The following EFEMP1 variants were observed in gnomAD, a reference collection of about 807,000 sequenced individuals.
EFEMP1 encodes the protein EGF-like fibulin extracellular matrix protein 1.
Under a neutral mutation model 65.7 loss-of-function variants are expected in EFEMP1, and 18 were observed. That is an observed-to-expected ratio of 0.27 (90% CI 0.19 to 0.41). EFEMP1 has a LOEUF of 0.41. EFEMP1 is among the 10% of genes least tolerant of loss of function. EFEMP1 has a pLI of 1.00. For synonymous variants in EFEMP1, 237 were observed against 219.7 expected, an observed-to-expected ratio of 1.08 and a Z score of -0.70; for missense variants, 469 against 624.8, an observed-to-expected ratio of 0.75 and a Z score of 2.66.
intron 9 of EFEMP1, 140 bp downstream of exon 9, chr2:55,874,806 G>T: frequency 1.2e-6 from 1 of 838,056 alleles, no homozygotes; most frequent in African/African-American, 1.8e-5. Context: ...TATATTTTAT[G>T]ATGAACAGGG....
intron 4 of EFEMP1, 53 bp from the exon 5 acceptor site, chr2:55,918,104 C>T: frequency 6.2e-7 from 1 of 1,613,688 alleles, no homozygotes; most frequent in Non-Finnish European, 8.5e-7. Flanking sequence ...AAAAATCAAA[C>T]ATGTAAATAT....
chr2:55,878,981 CCTTA>C (rs1279010267), intron 6 of EFEMP1, among the ~76,000 whole-genome samples: 1 of 152,152 alleles, frequency 6.6e-6, no homozygotes, highest in Non-Finnish European at 1.5e-5. Context: ...TGGCTTTTCC[CCTTA>C]CTTTGGTTCA....
Position 55,889,832 on chromosome 2 carries a change from A to AAT in EFEMP1, c.518-8099_518-8098insAT, listed in dbSNP as rs200500485. Reference sequence around the variant, plus strand: ...AAACAATAAAGGAATGGTAAAAAAAAAAAATAAAACTACAAAGCTAATAGA... The same window carrying AAT: ...AAACAATAAAGGAATGGTAAAAAAAAATAAAATAAAACTACAAAGCTAATAGA... On this transcript the variant is annotated intron_variant, in intron 5 of 11. Transcript: ENST00000355426. Among the ~76,000 whole-genome samples, 75 of 151,928 alleles carry AAT rather than the reference A, an allele frequency of 4.9e-4. 1 individual carries two copies. Among genetic ancestry groups the AAT allele is most frequent in the Middle Eastern group, 3.4e-3 (1 of 294 alleles).
intron 5 of EFEMP1, among the ~76,000 whole-genome samples, chr2:55,891,145 T>G (rs538785968): frequency 6.6e-6 from 1 of 151,966 alleles, no homozygotes; most frequent in Non-Finnish European, 1.5e-5. Flanking sequence ...AAAGCAGAAA[T>G]AGAATAAATG....
At chr2:55,916,400 G>A (rs1043369300) in intron 5 of EFEMP1, among the ~76,000 whole-genome samples, 2 of 152,168 alleles carry the variant, frequency 1.3e-5, no homozygotes, top group African/African-American at 2.4e-5. Context: ...GTGAGCCACC[G>A]TGCCCAGCCC....
intron 5 of EFEMP1, among the ~76,000 whole-genome samples, chr2:55,896,922 T>C (rs1283437520): frequency 2.6e-5 from 4 of 152,324 alleles, no homozygotes; most frequent in African/African-American, 9.6e-5. Flanking sequence ...TATCTTCATG[T>C]ACTGCACACT....
At chr2:55,913,557 C>T (rs747240543) in intron 5 of EFEMP1, among the ~76,000 whole-genome samples, 1 of 151,190 alleles carries the variant, frequency 6.6e-6, no homozygotes. Context: ...CAAGTTTCTT[C>T]AATTAGGGCA....
chr2:55,875,077 G>C lies in EFEMP1; in HGVS notation c.881-12C>G. On this transcript the variant is annotated splice_polypyrimidine_tract_variant and intron_variant, in intron 8 of 11. Coordinates refer to ENST00000355426, the MANE Select transcript of EFEMP1 (RefSeq NM_001039348.3). ...GCATTCATCAATGTCTGTTGAATTA[G>C]ACAAGAGAAAGGACACAGAGTTGAA... The C allele has an allele frequency of 1.3e-6, 2 of 1,585,976 alleles. No individual in the cohort carries two copies. Among genetic ancestry groups the C allele is most frequent in the African/African-American group, 2.7e-5 (2 of 73,664 alleles).
chr2:55,886,134 A>G lies in EFEMP1; in HGVS notation c.518-4400T>C, dbSNP rs1669411964. Reference sequence around the variant, plus strand: ...TGTAGACTAGTGATGAGAATGCACTAGTAATAGGACAAAGAAGACTGAAAT... The same window carrying G: ...TGTAGACTAGTGATGAGAATGCACTGGTAATAGGACAAAGAAGACTGAAAT... On this transcript the variant is annotated intron_variant, in intron 5 of 11. Transcript: ENST00000355426. The surrounding 1 kb of genome is among the most constrained non-coding windows in gnomAD (Gnocchi z 4.0). Among the ~76,000 whole-genome samples the G allele has an allele frequency of 6.6e-6, 1 of 152,226 alleles. No homozygotes were observed.
At chr2:55,882,353 G>T (rs1298035118) in intron 5 of EFEMP1, among the ~76,000 whole-genome samples, 1 of 152,116 alleles carries the variant, frequency 6.6e-6, no homozygotes, top group Non-Finnish European at 1.5e-5. Flanking sequence ...AGAATGCAAA[G>T]GATTCAATTT....
chr2:55,909,372 C>G (rs925854118), intron 5 of EFEMP1, among the ~76,000 whole-genome samples: 1 of 152,186 alleles, frequency 6.6e-6, no homozygotes, highest in Admixed American at 6.5e-5. Flanking sequence ...TAGATGTTTG[C>G]TCTGCAAAGT....
rs189535894 is a variant in EFEMP1 at position 55,885,741 on chromosome 2, C to T, written c.518-4007G>A. ...AGCCTCTTTATCACACCGACCCCCACGTCTAGGGAACCGCACATTTGATTT... is the reference window on the plus strand; with the variant it reads ...AGCCTCTTTATCACACCGACCCCCATGTCTAGGGAACCGCACATTTGATTT... On this transcript the variant is annotated intron_variant, in intron 5 of 11. Transcript: ENST00000355426. The surrounding 1 kb of genome is among the most constrained non-coding windows in gnomAD (Gnocchi z 4.3). Among the ~76,000 whole-genome samples the T allele has an allele frequency of 5.0e-3, 755 of 152,204 alleles. 5 individuals carry two copies. The highest frequency in any genetic ancestry group is 0.017 in the African/African-American group (720 of 41,544).
chr2:55,914,151 A>G (rs1055079647), intron 5 of EFEMP1, among the ~76,000 whole-genome samples: 1 of 152,194 alleles, frequency 6.6e-6, no homozygotes, highest in Non-Finnish European at 1.5e-5. Context: ...GATGATATCT[A>G]ATGGAAACAA....
rs1669071055 is a variant in EFEMP1 at position 55,877,218 on chromosome 2, C to T, written c.761-476G>A. Reference sequence around the variant, plus strand: ...AAATGGGTTCTGTTAAATTCCATTACAATTATAACATAAGCCTTTGAGACC... The same window carrying T: ...AAATGGGTTCTGTTAAATTCCATTATAATTATAACATAAGCCTTTGAGACC... On this transcript the variant is annotated intron_variant, in intron 7 of 11. Transcript: ENST00000355426. This position sits in a 1 kb window ranked among gnomAD's most constrained non-coding sequence, Gnocchi z 4.5. Among the ~76,000 whole-genome samples the T allele has an allele frequency of 6.6e-6, 1 of 152,104 alleles. No homozygotes were observed.
At chr2:55,912,007 A>T (rs1670498183) in intron 5 of EFEMP1, among the ~76,000 whole-genome samples, 1 of 152,196 alleles carries the variant, frequency 6.6e-6, no homozygotes, top group African/African-American at 2.4e-5. Flanking sequence ...TTATTTGAAA[A>T]ATAATTTTCT....
intron 5 of EFEMP1, among the ~76,000 whole-genome samples, chr2:55,893,512 TG>T (rs1669709248): frequency 6.6e-6 from 1 of 152,196 alleles, no homozygotes; most frequent in Non-Finnish European, 1.5e-5. Context: ...TTATGTGTCC[TG>T]GGAAAGTTAT....
At chr2:55,914,478 A>G (rs1670602239) in intron 5 of EFEMP1, among the ~76,000 whole-genome samples, 1 of 152,226 alleles carries the variant, frequency 6.6e-6, no homozygotes, top group Non-Finnish European at 1.5e-5. Context: ...GGATATATTT[A>G]TAAAATAGTG....
At position 55,886,198 on chromosome 2, in the gene EFEMP1, T is replaced by C. The variant is rs1468330776; in HGVS notation, c.518-4464A>G. Among the ~76,000 whole-genome samples the C allele has an allele frequency of 6.6e-6, 1 of 152,190 alleles. No homozygotes were observed. Among genetic ancestry groups the C allele is most frequent in the Non-Finnish European group, 1.5e-5 (1 of 68,026 alleles). ...TCACTCCCTGTGTGATCTAGGGTCA[T>C]GGTATCAATTTTTTCTCTTTGTTTC... is the stretch of plus-strand genomic sequence containing the variant. On this transcript the variant is annotated intron_variant, in intron 5 of 11. Coordinates refer to ENST00000355426, the MANE Select transcript of EFEMP1 (RefSeq NM_001039348.3). The surrounding 1 kb of genome is among the most constrained non-coding windows in gnomAD (Gnocchi z 4.0).
Position 55,919,790 on chromosome 2 carries a change from AAC to A in EFEMP1, c.82-1525_82-1524del, listed in dbSNP as rs1670851525. On this transcript the variant is annotated intron_variant, in intron 3 of 11. Coordinates refer to ENST00000355426, the MANE Select transcript of EFEMP1 (RefSeq NM_001039348.3). The surrounding 1 kb of genome is among the most constrained non-coding windows in gnomAD (Gnocchi z 4.5). The stretch of plus-strand genomic sequence containing the variant: ...AGACTAATTTTTTTCTTGTTTCCCA[AAC>A]AGTGTTAAAGGTACCACTACCTTTT... Among the ~76,000 whole-genome samples the A allele has an allele frequency of 6.6e-6, 1 of 152,154 alleles. No homozygotes were observed. Among genetic ancestry groups the A allele is most frequent in the South Asian group, 2.1e-4 (1 of 4,830 alleles).
Sources: allele counts gnomAD v4.1 joint callset (sites outside exome capture counted in the v4.1 genomes callset), GRCh38; gene constraint gnomAD v4.1.1; non-coding constraint Gnocchi (gnomAD v3.1); transcripts MANE v1.5; gene names NCBI Gene and HGNC (gene_info 2026-07-23, HGNC 2026-07-21).